The following DLC1 variants were observed in gnomAD, a reference collection of about 807,000 sequenced individuals.
The protein encoded by DLC1 is rho GTPase-activating protein 7.
In DLC1, 54 loss-of-function variants were observed where a neutral mutation model predicts 140.3. The observed-to-expected ratio is 0.38, with a 90% CI of 0.31 to 0.48. The LOEUF (loss-of-function observed/expected upper bound fraction) is 0.48. Among genes scored for constraint, DLC1 ranks in the 20% least tolerant of loss-of-function variants. The pLI is 0.96. For synonymous variants in DLC1, 986 were observed against 728.1 expected (o/e 1.35, Z -5.70); for missense variants, 2,536 against 1,907.0 (o/e 1.33, Z -6.14).
intron 10 of DLC1, 92 bp downstream of exon 10, chr8:13,098,307 A>C (rs561331758): frequency 5.1e-5 from 73 of 1,421,374 alleles, no homozygotes; most frequent in Non-Finnish European, 7.1e-5. Context: ...AATAAAGGAG[A>C]GAAGTGTCAT....
rs1837297006 is a variant in DLC1 at position 13,401,539 on chromosome 8, G to A, written c.1104C>T (p.Asp368=). The A allele has an allele frequency of 6.2e-7, 1 of 1,613,328 alleles. No homozygotes were observed. The change falls in exon 3 of 18, where the codon GAC becomes GAT. Residue 368 remains aspartate (D), a synonymous_variant. Transcript: ENST00000276297. ...LIMKLDQLDQ[D]IENALSTSSS... ...AGCTGGTGCTGAGGGCATTTTCTAT[G>A]TCCTGATCAAGCTGGTCCAGTTTCA...
chr8:13,326,062 T>A (rs967630149), intron 4 of DLC1, among the ~76,000 whole-genome samples: 6 of 152,184 alleles, frequency 3.9e-5, no homozygotes, highest in African/African-American at 1.4e-4. Context: ...ATAAATACCA[T>A]ATAGGTTTGT....
intron 1 of DLC1, among the ~76,000 whole-genome samples, chr8:13,544,217 C>T (rs964554961): frequency 2.1e-5 from 3 of 139,854 alleles, no homozygotes; most frequent in South Asian, 4.4e-4. Context: ...CACACACACA[C>T]ACACACACAA....
chr8:13,191,170 A>G (rs1011476556), intron 5 of DLC1, among the ~76,000 whole-genome samples: 2 of 152,228 alleles, frequency 1.3e-5, no homozygotes, highest in Non-Finnish European at 2.9e-5. Context: ...CACATGATTT[A>G]TAGGAAGCCA....
chr8:13,293,921 T>C (rs1187685671), intron 5 of DLC1, among the ~76,000 whole-genome samples: 1 of 152,214 alleles, frequency 6.6e-6, no homozygotes, highest in Non-Finnish European at 1.5e-5. Context: ...ACCAACGGAA[T>C]TAGAAAATAA....
intron 2 of DLC1, among the ~76,000 whole-genome samples, chr8:13,484,498 C>T (rs954097372): frequency 2.6e-5 from 4 of 152,098 alleles, no homozygotes; most frequent in Admixed American, 6.5e-5. Flanking sequence ...GTTTTTGGAG[C>T]GATGGATATA....
At chr8:13,362,683 G>T (rs1053926083) in intron 4 of DLC1, among the ~76,000 whole-genome samples, 4 of 152,072 alleles carry the variant, frequency 2.6e-5, no homozygotes, top group African/African-American at 9.7e-5. Flanking sequence ...AGGGGAACTT[G>T]TATTATATTT....
chr8:13,375,819 A>G (rs1202269303), intron 4 of DLC1, among the ~76,000 whole-genome samples: 1 of 152,184 alleles, frequency 6.6e-6, no homozygotes, highest in Non-Finnish European at 1.5e-5. Flanking sequence ...AACATAAACT[A>G]CAGATGCCAC....
chr8:13,305,147 C>G (rs1832368443), intron 5 of DLC1, 122 bp downstream of exon 5: 1 of 1,381,024 alleles, frequency 7.2e-7, no homozygotes, highest in African/African-American at 1.5e-5. Flanking sequence ...AGAATTTAAA[C>G]AACATTTTCC....
intron 2 of DLC1, among the ~76,000 whole-genome samples, chr8:13,445,698 T>G (rs1035106668): frequency 6.6e-6 from 1 of 152,166 alleles, no homozygotes; most frequent in Non-Finnish European, 1.5e-5. Flanking sequence ...TTGAGTGATA[T>G]CATCCTACCC....
chr8:13,295,166 C>G (rs1454048997), intron 5 of DLC1, among the ~76,000 whole-genome samples: 2 of 152,094 alleles, frequency 1.3e-5, no homozygotes, highest in Non-Finnish European at 2.9e-5. Flanking sequence ...ATGAACTGTG[C>G]TGTTATTTTC....
chr8:13,392,712 T>C (rs989770098), intron 4 of DLC1, among the ~76,000 whole-genome samples: 2 of 152,212 alleles, frequency 1.3e-5, no homozygotes, highest in East Asian at 1.9e-4. Context: ...CAAATACTAT[T>C]TTCCTGTTGC....
intron 5 of DLC1, among the ~76,000 whole-genome samples, chr8:13,157,886 A>C (rs374487014): frequency 1.3e-5 from 2 of 152,224 alleles, no homozygotes; most frequent in South Asian, 4.1e-4. Context: ...ATGCTTTACA[A>C]CAAAAATAAA....
At chr8:13,426,799 C>T (rs1343491559) in intron 2 of DLC1, among the ~76,000 whole-genome samples, 10 of 152,042 alleles carry the variant, frequency 6.6e-5, no homozygotes, top group Non-Finnish European at 1.5e-4. Flanking sequence ...TTTTCCTTCT[C>T]TTCTTTAAAA....
chr8:13,442,928 A>C (rs1798592334), intron 2 of DLC1, among the ~76,000 whole-genome samples: 1 of 152,184 alleles, frequency 6.6e-6, no homozygotes, highest in African/African-American at 2.4e-5. Context: ...GGCAGTATTC[A>C]CAATAGCAAA....
intron 1 of DLC1, among the ~76,000 whole-genome samples, chr8:13,524,453 G>A (rs1802858047): frequency 6.6e-6 from 1 of 151,974 alleles, no homozygotes; most frequent in African/African-American, 2.4e-5. Context: ...AATTGTTTTT[G>A]TTGTTGCTTT....
intron 5 of DLC1, among the ~76,000 whole-genome samples, chr8:13,239,535 G>C (rs1563189893): frequency 6.6e-6 from 1 of 152,104 alleles, no homozygotes; most frequent in African/African-American, 2.4e-5. Flanking sequence ...GCTGTGATCA[G>C]CTTTTTTCAC....
At chr8:13,241,791 C>T (rs545453443) in intron 5 of DLC1, among the ~76,000 whole-genome samples, 1 of 152,148 alleles carries the variant, frequency 6.6e-6, no homozygotes, top group African/African-American at 2.4e-5. Flanking sequence ...ACACGCTGCT[C>T]ACTATCTTTC....
At position 13,499,112 on chromosome 8, in the gene DLC1, T is replaced by G. The variant is rs34591797; in HGVS notation, c.960A>C (p.Gln320His). 0.012 allele frequency: 18,591 copies of G among 1,614,126 alleles called. 984 individuals carry two copies. The African/African-American group carries it at 0.14, about 12-fold the overall frequency. ...CCTGGGTGGCCAGGGTCTCCTTTAA[T>G]TGTAAACACTGCATGCCATCTTCTG... ...VKAEDGMQCL[Q>H]LKETLATQEP... Residue 320 changes from glutamine to histidine, a missense_variant, in exon 2 of 18, where the codon CAA becomes CAC. Transcript: ENST00000276297.
Sources: gnomAD v4.1 joint callset for allele counts (sites outside exome capture counted in the v4.1 genomes callset) on GRCh38, gnomAD v4.1.1 for gene constraint, MANE v1.5 for transcripts, NCBI Gene and HGNC (gene_info 2026-07-23, HGNC 2026-07-21) for gene names.